NME7: variants seen among roughly 807,000 people sequenced by gnomAD.
NME7 encodes the protein nucleoside diphosphate kinase 7.
In NME7, 41 loss-of-function variants were observed where a neutral mutation model predicts 49.1. That is an observed-to-expected ratio of 0.83 (90% confidence interval 0.65 to 1.08). The LOEUF is 1.08. NME7 is among the 50% of genes least tolerant of loss of function. The pLI, the probability that NME7 is intolerant of heterozygous loss-of-function variation, is 0.00. For missense variants in NME7, 423 were observed against 463.4 expected, an observed-to-expected ratio of 0.91 and a Z score of 0.80; for synonymous variants, 139 against 150.6, an observed-to-expected ratio of 0.92 and a Z score of 0.56.
chr1:169,297,426 TC>T (rs747404150), intron 6 of NME7, among the ~76,000 whole-genome samples: 1 of 152,178 alleles, frequency 6.6e-6, no homozygotes, highest in Non-Finnish European at 1.5e-5. Flanking sequence ...ATATAATCTT[TC>T]CCCTAATTAC....
chr1:169,139,863 C>T (rs1189134309), intron 11 of NME7, among the ~76,000 whole-genome samples: 1 of 152,246 alleles, frequency 6.6e-6, no homozygotes, highest in Non-Finnish European at 1.5e-5. Flanking sequence ...AGTAAACAGA[C>T]GTGAGAACCA....
At chr1:169,228,683 C>CAAAAAAAAAAAAA (rs747705690) in intron 10 of NME7, among the ~76,000 whole-genome samples, 1 of 90,426 alleles carries the variant, frequency 1.1e-5, no homozygotes, top group African/African-American at 5.5e-5. Flanking sequence ...GACTCCGTCT[C>CAAAAAAAAAAAAA]AAAAAAAAAA....
chr1:169,344,689 A>C (rs889311223), intron 1 of NME7, among the ~76,000 whole-genome samples: 1 of 152,002 alleles, frequency 6.6e-6, no homozygotes, highest in Non-Finnish European at 1.5e-5. Context: ...TTTGATGTTA[A>C]ATCTTTTTGG....
At chr1:169,325,019 T>C (rs1165235291) in intron 1 of NME7, among the ~76,000 whole-genome samples, 1 of 152,016 alleles carries the variant, frequency 6.6e-6, no homozygotes. Flanking sequence ...TTTATAGAAA[T>C]AGAGAATGTG....
At chr1:169,176,411 T>G (rs916541265) in intron 10 of NME7, among the ~76,000 whole-genome samples, 17 of 152,150 alleles carry the variant, frequency 1.1e-4, no homozygotes, top group Non-Finnish European at 1.9e-4. Flanking sequence ...CATAAATTGT[T>G]TGTATATGAG....
At position 169,256,973 on chromosome 1, in the gene NME7, C is replaced by G. The variant is rs1222413499; in HGVS notation, c.755-19286G>C. Reference sequence around the variant, plus strand: ...GAACCACTGCTCTCTTCAAAGCTGTCAGACAGCGACATTTAAGTCTGCAGA... The same window carrying G: ...GAACCACTGCTCTCTTCAAAGCTGTGAGACAGCGACATTTAAGTCTGCAGA... On this transcript the variant is annotated intron_variant, in intron 7 of 11. Transcript: ENST00000367811. Among the ~76,000 whole-genome samples, 5 of 126,074 alleles carry G rather than the reference C, an allele frequency of 4.0e-5. 2 individuals are homozygous for G. The highest frequency in any genetic ancestry group is 7.8e-5 in the Admixed American group (1 of 12,772). 82.7% of individuals were successfully genotyped at this position (126,074 alleles called of 152,430 possible).
In NME7 at chr1:169,306,813, G is replaced by A. The variant is rs907258089; in HGVS notation, c.389+3157C>T. The stretch of plus-strand genomic sequence containing the variant: ...CAGGAGACTCACTTGAGGCCAGTTC[G>A]AGACTAGCCTGGGCAACAAAGCGAG... On this transcript the variant is annotated intron_variant, in intron 4 of 11. Transcript: ENST00000367811. Among the ~76,000 whole-genome samples the A allele has an allele frequency of 4.6e-5, 7 of 152,134 alleles. No homozygotes were observed. In the South Asian group the frequency reaches 8.3e-4, roughly 18 times the overall value.
intron 7 of NME7, among the ~76,000 whole-genome samples, chr1:169,251,478 A>C (rs556239255): frequency 6.6e-6 from 1 of 151,754 alleles, no homozygotes; most frequent in African/African-American, 2.4e-5. Context: ...ATTTATATCC[A>C]ATGTTAATAT....
chr1:169,351,548 C>A (rs1653172803), intron 1 of NME7, among the ~76,000 whole-genome samples: 1 of 147,240 alleles, frequency 6.8e-6, no homozygotes, highest in African/African-American at 2.5e-5. Context: ...CAAACTGAAA[C>A]CAAAATTAGA....
intron 10 of NME7, among the ~76,000 whole-genome samples, chr1:169,192,607 A>G (rs75746620): frequency 0.015 from 2,209 of 152,244 alleles, 48 homozygotes; most frequent in African/African-American, 0.048. Context: ...GGAAAATAAG[A>G]AAAAAGGGAG....
At chr1:169,198,160 CT>C (rs1445423090) in intron 10 of NME7, among the ~76,000 whole-genome samples, 7 of 152,164 alleles carry the variant, frequency 4.6e-5, no homozygotes, top group South Asian at 2.1e-4. Flanking sequence ...TCAGACATCA[CT>C]TCACACCCAC....
At chr1:169,173,211 T>C (rs1659654436) in intron 10 of NME7, among the ~76,000 whole-genome samples, 1 of 152,220 alleles carries the variant, frequency 6.6e-6, no homozygotes, top group African/African-American at 2.4e-5. Context: ...GAATCTGTCT[T>C]AAGGAGATTA....
In NME7 at chr1:169,233,043, T is replaced by C. The variant is rs1301500697; in HGVS notation, c.888+2088A>G. Reference sequence around the variant, plus strand: ...AAGCTATTCTCACGCCTCAGCCTCCTGAGTAGCTGGGACTACAGGCACCCA... The same window carrying C: ...AAGCTATTCTCACGCCTCAGCCTCCCGAGTAGCTGGGACTACAGGCACCCA... On this transcript the variant is annotated intron_variant, in intron 9 of 11. Coordinates refer to ENST00000367811, the MANE Select transcript of NME7 (RefSeq NM_013330.5). 2.7e-5 allele frequency among the ~76,000 whole-genome samples: 4 copies of C among 150,916 alleles called. No individual in the cohort carries two copies. The Admixed American group carries it at 2.7e-4, about 10-fold the overall frequency.
intron 11 of NME7, among the ~76,000 whole-genome samples, chr1:169,158,524 G>A (rs1196070468): frequency 6.6e-6 from 1 of 152,108 alleles, no homozygotes; most frequent in Non-Finnish European, 1.5e-5. Flanking sequence ...CATGAATAAC[G>A]GGGCTCTACT....
intron 7 of NME7, among the ~76,000 whole-genome samples, chr1:169,278,611 C>T (rs1485725842): frequency 2.0e-5 from 3 of 152,172 alleles, no homozygotes; most frequent in Non-Finnish European, 2.9e-5. Context: ...AAAGTTTTCA[C>T]CTTCTTTGCC....
intron 3 of NME7, among the ~76,000 whole-genome samples, chr1:169,313,160 A>T (rs1168509182): frequency 6.6e-6 from 1 of 151,486 alleles, no homozygotes; most frequent in Non-Finnish European, 1.5e-5. Context: ...TCTTTTAAAA[A>T]TTAAAGATAA....
chr1:169,328,659 A>C (rs890233159), intron 1 of NME7, among the ~76,000 whole-genome samples: 1 of 152,210 alleles, frequency 6.6e-6, no homozygotes, highest in Non-Finnish European at 1.5e-5. Context: ...ATACTAGGTA[A>C]ATTTTTTTGT....
In NME7 at chr1:169,301,030, G is replaced by A. The variant is rs1317659412; in HGVS notation, c.440+2115C>T. On this transcript the variant is annotated intron_variant, in intron 5 of 11. Coordinates refer to ENST00000367811, the MANE Select transcript of NME7 (RefSeq NM_013330.5). ...CATTCTGGACATTGGCCTGGGGAAA[G>A]AATTTATGACTAAGTCCTCAAAAGT... Among the ~76,000 whole-genome samples the A allele has an allele frequency of 2.0e-5, 3 of 152,230 alleles. No homozygotes were observed. The East Asian group carries it at 5.8e-4, about 29-fold the overall frequency.
At chr1:169,245,794 G>A (rs899258998) in intron 7 of NME7, among the ~76,000 whole-genome samples, 7 of 152,164 alleles carry the variant, frequency 4.6e-5, no homozygotes, top group African/African-American at 1.4e-4. Flanking sequence ...AGAGTTTAAT[G>A]TTCAATGCTA....
Sources: allele counts gnomAD v4.1 joint callset (sites outside exome capture counted in the v4.1 genomes callset), GRCh38; gene constraint gnomAD v4.1.1; transcripts MANE v1.5; gene names NCBI Gene and HGNC (gene_info 2026-07-23, HGNC 2026-07-21).